The following ELFN1 variants were observed in gnomAD, a reference collection of about 807,000 sequenced individuals.
ELFN1 encodes the protein protein ELFN1.
ELFN1 carries 6 observed loss-of-function variants against 7.6 expected under a neutral mutation model. That is an observed-to-expected ratio of 0.79 (90% CI 0.43 to 1.56). ELFN1 has a LOEUF of 1.56. ELFN1 is among the 40% of genes most tolerant of loss of function. The pLI is 0.01. For missense variants in ELFN1, 1,169 were observed against 1,232.2 expected, an observed-to-expected ratio of 0.95 and a Z score of 0.77; for synonymous variants, 657 against 588.1, an observed-to-expected ratio of 1.12 and a Z score of -1.70.
intron 2 of ELFN1, among the ~76,000 whole-genome samples, chr7:1,698,478 A>AT (rs1377061483): frequency 1.1e-4 from 16 of 151,912 alleles, no homozygotes; most frequent in East Asian, 1.9e-4. Flanking sequence ...CCGCAATGAA[A>AT]TTTTTTTTTA....
intron 3 of ELFN1, among the ~76,000 whole-genome samples, chr7:1,713,235 G>C (rs1357334875): frequency 6.6e-6 from 1 of 152,224 alleles, no homozygotes; most frequent in African/African-American, 2.4e-5. Context: ...GAGCCCGGCA[G>C]GTGGGAGACA....
At chr7:1,684,354 A>G (rs1407639453) in intron 1 of ELFN1, among the ~76,000 whole-genome samples, 2 of 152,148 alleles carry the variant, frequency 1.3e-5, no homozygotes, top group Non-Finnish European at 2.9e-5. Context: ...ATGTCATTCC[A>G]CCACCTTCTT....
intron 2 of ELFN1, among the ~76,000 whole-genome samples, chr7:1,699,785 C>A (rs1297494988): frequency 6.6e-6 from 1 of 152,172 alleles, no homozygotes; most frequent in Non-Finnish European, 1.5e-5. Context: ...CTCACTGCAA[C>A]CTCCGCCTCC....
intron 3 of ELFN1, among the ~76,000 whole-genome samples, chr7:1,728,646 C>A (rs1017823308): frequency 2.0e-5 from 3 of 152,212 alleles, no homozygotes; most frequent in African/African-American, 7.2e-5. Flanking sequence ...ACGCCCCAGG[C>A]AGCACACAGC....
chr7:1,670,287 G>C lies in ELFN1; in HGVS notation c.-616G>C, dbSNP rs935078291. On this transcript the variant is annotated 5_prime_UTR_variant, in exon 1 of 4. Coordinates refer to ENST00000424383, the MANE Select transcript of ELFN1 (RefSeq NM_001128636.4). The surrounding 1 kb of genome is among the most constrained non-coding windows in gnomAD (Gnocchi z 6.4). ...CTGGGGAGGAATTTCAATCCCGGGAGCGAAGTTAGAGCTTGAAGGACGGCG... is the reference window on the plus strand; with the variant it reads ...CTGGGGAGGAATTTCAATCCCGGGACCGAAGTTAGAGCTTGAAGGACGGCG... Among the ~76,000 whole-genome samples, 7 of 151,868 alleles carry C rather than the reference G, an allele frequency of 4.6e-5. No individual in the cohort carries two copies. Among genetic ancestry groups the C allele is most frequent in the Admixed American group, 1.3e-4 (2 of 15,284 alleles).
chr7:1,728,474 C>G (rs116392041), intron 3 of ELFN1, among the ~76,000 whole-genome samples: 4,119 of 152,362 alleles, frequency 0.027, 203 homozygotes, highest in African/African-American at 0.093. Flanking sequence ...CCAACAGGCA[C>G]CCAGTCCTCT....
At chr7:1,675,333 C>T (rs1034679022) in intron 1 of ELFN1, among the ~76,000 whole-genome samples, 11 of 152,184 alleles carry the variant, frequency 7.2e-5, no homozygotes, top group African/African-American at 2.7e-4. Flanking sequence ...GGCTCGGGGG[C>T]GGGGGTCTGT....
At position 1,670,630 on chromosome 7, in the gene ELFN1, GC is replaced by G. The variant is rs139422582; in HGVS notation, c.-549+280del. Among the ~76,000 whole-genome samples the G allele has an allele frequency of 0.021, 3,154 of 152,254 alleles. 119 individuals are homozygous for G. The highest frequency in any genetic ancestry group is 0.072 in the African/African-American group (2,990 of 41,554). ...GGGTCGCTGCCGCAGCCCGCACGCT[GC>G]CCCGTGCCTCCGAGAGGTCCCTTCC... On this transcript the variant is annotated intron_variant, in intron 1 of 3. Transcript: ENST00000424383. This position sits in a 1 kb window ranked among gnomAD's most constrained non-coding sequence, Gnocchi z 6.4.
rs1021454537 is a variant in ELFN1, at chr7:1,735,608, C to A, written c.-293-8696C>A. ...TGGGAGCAGGGAGCGGAAGAGAGGACTGGGTCTGGGGGAGCCATGAGGGAG... is the reference window on the plus strand; with the variant it reads ...TGGGAGCAGGGAGCGGAAGAGAGGAATGGGTCTGGGGGAGCCATGAGGGAG... On this transcript the variant is annotated intron_variant, in intron 3 of 3. Transcript: ENST00000424383. This position sits in a 1 kb window ranked among gnomAD's most constrained non-coding sequence, Gnocchi z 5.9. Among the ~76,000 whole-genome samples the A allele has an allele frequency of 6.6e-6, 1 of 152,076 alleles. No individual in the cohort carries two copies. The highest frequency in any genetic ancestry group is 2.1e-4 in the South Asian group (1 of 4,822).
intron 1 of ELFN1, among the ~76,000 whole-genome samples, chr7:1,686,244 G>T (rs1488738530): frequency 1.3e-5 from 2 of 151,322 alleles, no homozygotes; most frequent in African/African-American, 4.9e-5. Context: ...GACCTGGACT[G>T]AAGCTGTGAA....
rs556213198 is a variant in ELFN1, at chr7:1,745,819, C to T, written c.1223C>T (p.Pro408Leu). The T allele has an allele frequency of 7.3e-5, 114 of 1,569,690 alleles. No homozygotes were observed. The East Asian group carries it at 7.9e-4, about 11-fold the overall frequency. The change falls in exon 4 of 4, where the codon CCG becomes CTG. Residue 408 changes from proline (P) to leucine (L), a missense_variant. Physicochemically the swap from Pro to Leu is moderately conservative, Grantham distance 98. Around this residue, in one of 2 missense-constraint regions of ELFN1, gnomAD observed 914 missense variants for 872.6 expected, o/e 1.05. Coordinates refer to ENST00000424383, the MANE Select transcript of ELFN1 (RefSeq NM_001128636.4). ...CLPRLPSPPGPVPSPSTATHY... is the reference protein window; with the variant it reads ...CLPRLPSPPGLVPSPSTATHY... Reference sequence around the variant, plus strand: ...CCCCGGCTGCCCAGCCCGCCTGGTCCGGTGCCCAGCCCCTCCACGGCCACC... The same window carrying T: ...CCCCGGCTGCCCAGCCCGCCTGGTCTGGTGCCCAGCCCCTCCACGGCCACC...
chr7:1,732,123 C>T (rs140947735), intron 3 of ELFN1, among the ~76,000 whole-genome samples: 226 of 152,204 alleles, frequency 1.5e-3, no homozygotes, highest in Non-Finnish European at 2.5e-3. Flanking sequence ...AGCCTGGCAG[C>T]GTGGGGTCAC....
Position 1,746,047 on chromosome 7 carries a change from C to A in ELFN1, c.1451C>A (p.Ser484Tyr). 1.3e-6 allele frequency: 2 copies of A among 1,546,856 alleles called. No individual in the cohort carries two copies. The highest frequency in any genetic ancestry group is 1.7e-6 in the Non-Finnish European group (2 of 1,145,090). ...GAGGCGCCCGGCCTGGCCCCGCTGT[C>A]CCAGGGCCCGCTGCTGGGCCCCGAG... ...ELEAPGLAPL[S>Y]QGPLLGPEAV... is the part of the protein sequence containing the mutation. Residue 484 changes from serine to tyrosine, a missense_variant, in exon 4 of 4, where the codon TCC (serine) becomes TAC (tyrosine). Ser to Tyr is a moderately radical substitution (Grantham distance 144). Transcript: ENST00000424383.
intron 1 of ELFN1, among the ~76,000 whole-genome samples, chr7:1,684,860 T>C (rs1382355800): frequency 6.6e-6 from 1 of 152,224 alleles, no homozygotes; most frequent in African/African-American, 2.4e-5. Context: ...CAATCTTATG[T>C]TTTTAAAAGA....
intron 3 of ELFN1, among the ~76,000 whole-genome samples, chr7:1,737,657 G>A (rs1363311175): frequency 6.6e-6 from 1 of 152,006 alleles, no homozygotes; most frequent in South Asian, 2.1e-4. Flanking sequence ...CCACCTCCCC[G>A]CAGCCCTGTC....
intron 2 of ELFN1, among the ~76,000 whole-genome samples, chr7:1,698,342 G>T (rs1484429388): frequency 2.6e-5 from 4 of 152,106 alleles, no homozygotes; most frequent in Admixed American, 1.3e-4. Flanking sequence ...CTTTTCCTGC[G>T]TTGCACCCTC....
intron 3 of ELFN1, among the ~76,000 whole-genome samples, chr7:1,729,711 A>G (rs1780286725): frequency 6.6e-6 from 1 of 152,294 alleles, no homozygotes; most frequent in South Asian, 2.1e-4. Flanking sequence ...GGTGGGAGGT[A>G]GAGACGCAGC....
intron 3 of ELFN1, among the ~76,000 whole-genome samples, chr7:1,715,123 C>T (rs934019620): frequency 3.3e-4 from 50 of 152,344 alleles, no homozygotes; most frequent in Middle Eastern, 3.4e-3. Flanking sequence ...AAGGAAGCTT[C>T]TCAGCCAACG....
intron 3 of ELFN1, among the ~76,000 whole-genome samples, chr7:1,709,898 T>G (rs534691494): frequency 3.9e-5 from 6 of 152,360 alleles, no homozygotes; most frequent in Admixed American, 1.3e-4. Flanking sequence ...GCAGCATTTT[T>G]CAGAAATAGC....
Sources: gnomAD v4.1 joint callset for allele counts (sites outside exome capture counted in the v4.1 genomes callset) on GRCh38, gnomAD v4.1.1 for gene constraint, gnomAD v4.1.1 regional missense constraint, Gnocchi (gnomAD v3.1) non-coding constraint, MANE v1.5 for transcripts, NCBI Gene and HGNC (gene_info 2026-07-23, HGNC 2026-07-21) for gene names.